CFAP47: variants seen among roughly 807,000 people sequenced by gnomAD.
CFAP47 encodes cilia- and flagella-associated protein 47.
CFAP47 carries 29 observed loss-of-function variants against 148.1 expected under a neutral mutation model. That is an observed-to-expected ratio of 0.20 (90% CI 0.15 to 0.27). CFAP47 has a LOEUF of 0.27. CFAP47 is among the 10% of genes least tolerant of loss of function. The pLI is 1.00. For missense variants in CFAP47, 1,872 were observed against 1,697.5 expected (o/e 1.10, Z -1.81); for synonymous variants, 664 against 577.3 (o/e 1.15, Z -2.15).
At chrX:36,017,723 A>G (rs958543883) in intron 22 of CFAP47, among the ~76,000 whole-genome samples, 1 of 110,331 alleles carries the variant, frequency 9.1e-6, no homozygotes, top group African/African-American at 3.3e-5. Flanking sequence ...TGGTTTGTCT[A>G]TTTCATTGCG....
At chrX:35,931,624 T>A (rs939878095) in intron 2 of CFAP47, among the ~76,000 whole-genome samples, 1 of 111,853 alleles carries the variant, frequency 8.9e-6, no homozygotes, top group Non-Finnish European at 1.9e-5. Context: ...TGCATTCCTG[T>A]AGGTTAATTG....
In CFAP47 at chrX:35,962,956, T is replaced by C. The variant is rs1936352608; in HGVS notation, c.1411-3609T>C. ...GTGTGTGTGTGTGTGTGTGTGTGTG[T>C]GTGTGTGTGTGTGTGTATGTGTATG... On this transcript the variant is annotated intron_variant, in intron 8 of 63. Coordinates refer to ENST00000378653, the MANE Select transcript of CFAP47 (RefSeq NM_001304548.2). 1.8e-5 allele frequency among the ~76,000 whole-genome samples: 2 copies of C among 108,357 alleles called. 1 individual carries two copies. Among genetic ancestry groups the C allele is most frequent in the South Asian group, 7.9e-4 (2 of 2,533 alleles). The allele number at this position is 108,357 out of a possible 115,157, so 94.1% of individuals were successfully genotyped here.
rs377677003 is a variant in CFAP47, at chrX:36,136,034, T to C, written c.5321-1924T>C. Among the ~76,000 whole-genome samples the C allele has an allele frequency of 1.9e-4, 21 of 111,122 alleles. 1 individual carries two copies. Among genetic ancestry groups the C allele is most frequent in the East Asian group, 1.4e-3 (5 of 3,515 alleles). ...TGACAGGGGTATGGCTTTGCAATTC[T>C]GAAAGCACTTTATATACATACTAGG... On this transcript the variant is annotated intron_variant, in intron 33 of 63. Coordinates refer to ENST00000378653, the MANE Select transcript of CFAP47 (RefSeq NM_001304548.2).
intron 35 of CFAP47, 48 bp from the exon 36 acceptor site, chrX:36,145,171 C>A (rs67753480): frequency 0.055 from 16,166 of 293,252 alleles, 1,313 homozygotes; most frequent in African/African-American, 0.3. Flanking sequence ...CTATGTAGAA[C>A]TCTAACTAAT....
intron 37 of CFAP47, among the ~76,000 whole-genome samples, chrX:36,149,922 T>C (rs73472839): frequency 0.044 from 4,851 of 110,155 alleles, 281 homozygotes; most frequent in African/African-American, 0.15. Flanking sequence ...ATATATTTTA[T>C]ATATAGTTTT....
At chrX:36,067,386 T>C (rs1034253586) in intron 27 of CFAP47, among the ~76,000 whole-genome samples, 1 of 111,784 alleles carries the variant, frequency 8.9e-6, no homozygotes, top group Non-Finnish European at 1.9e-5. Flanking sequence ...TTTGTACCTA[T>C]AGTCCATACA....
intron 33 of CFAP47, among the ~76,000 whole-genome samples, chrX:36,123,813 G>A (rs6632496): frequency 0.27 from 30,028 of 110,477 alleles, 5,564 homozygotes; most frequent in African/African-American, 0.66. Flanking sequence ...GTGCAAGACA[G>A]AGGTCTCTTT....
intron 57 of CFAP47, among the ~76,000 whole-genome samples, chrX:36,341,546 T>C (rs1184203003): frequency 9.0e-6 from 1 of 111,491 alleles, no homozygotes; most frequent in East Asian, 2.8e-4. Context: ...GAAAATTTTC[T>C]TGAAAGACAG....
intron 37 of CFAP47, among the ~76,000 whole-genome samples, chrX:36,157,846 T>C (rs1939387320): frequency 1.8e-5 from 2 of 111,949 alleles, no homozygotes; most frequent in Admixed American, 1.9e-4. Flanking sequence ...CTCACTGTTA[T>C]CTTAATAAAT....
At chrX:35,942,902 A>G (rs1465587705) in intron 3 of CFAP47, among the ~76,000 whole-genome samples, 1 of 112,132 alleles carries the variant, frequency 8.9e-6, no homozygotes, top group African/African-American at 3.2e-5. Flanking sequence ...TTATTTGTAT[A>G]TAGTATTTGT....
At chrX:36,128,277 AT>A (rs892993630) in intron 33 of CFAP47, among the ~76,000 whole-genome samples, 70 of 110,923 alleles carry the variant, frequency 6.3e-4, no homozygotes, top group Non-Finnish European at 1.3e-4. Flanking sequence ...GGGGGTTATT[AT>A]TTTTCTCTGA....
intron 62 of CFAP47, among the ~76,000 whole-genome samples, chrX:36,375,604 T>G (rs1942015601): frequency 8.9e-6 from 1 of 112,590 alleles, no homozygotes; most frequent in Admixed American, 9.4e-5. Flanking sequence ...ATCTATCCAT[T>G]GTTGAAAGTG....
intron 40 of CFAP47, among the ~76,000 whole-genome samples, chrX:36,185,939 G>A (rs923809524): frequency 2.7e-5 from 3 of 111,503 alleles, no homozygotes; most frequent in Admixed American, 1.9e-4. Context: ...TTCCAAATAC[G>A]GTCACATTGG....
intron 25 of CFAP47, among the ~76,000 whole-genome samples, chrX:36,041,694 C>T (rs780411893): frequency 3.1e-4 from 34 of 110,442 alleles, no homozygotes; most frequent in African/African-American, 8.9e-4. Flanking sequence ...GAGGCCGAGG[C>T]GGGCGGATCA....
rs1260264485 is a variant in CFAP47 at position 36,319,196 on chromosome X, A to AT, written c.8345-7dup. Reference sequence around the variant, plus strand: ...TGACATTGAAGTGTAATATCTCTTTATTTTTTAATTAGGTGTGGAACATCC... The same window carrying AT: ...TGACATTGAAGTGTAATATCTCTTTATTTTTTTAATTAGGTGTGGAACATCC... On this transcript the variant is annotated splice_polypyrimidine_tract_variant and intron_variant, in intron 56 of 63. Transcript: ENST00000378653. The AT allele has an allele frequency of 4.1e-6, 4 of 973,269 alleles. No individual in the cohort carries two copies. Among genetic ancestry groups the AT allele is most frequent in the Non-Finnish European group, 5.6e-6 (4 of 715,673 alleles). 80.2% of individuals were successfully genotyped at this position (973,269 alleles called of 1,213,427 possible).
intron 33 of CFAP47, among the ~76,000 whole-genome samples, chrX:36,112,229 G>T: frequency 9.0e-6 from 1 of 111,719 alleles, no homozygotes; most frequent in African/African-American, 3.2e-5. Context: ...AACTTTTCAT[G>T]TGGGCATTTA....
At chrX:36,044,194 G>A (rs1328268878) in intron 25 of CFAP47, among the ~76,000 whole-genome samples, 2 of 113,239 alleles carry the variant, frequency 1.8e-5, no homozygotes, top group African/African-American at 6.4e-5. Flanking sequence ...CTAGGCCTCT[G>A]GCCCTGTGAT....
At chrX:36,313,398 T>C (rs782348363) in intron 56 of CFAP47, among the ~76,000 whole-genome samples, 1 of 110,288 alleles carries the variant, frequency 9.1e-6, no homozygotes, top group East Asian at 2.9e-4. Flanking sequence ...TCAGATCTCA[T>C]GAAAATTCAC....
chrX:36,383,327 C>T (rs948587956), intron 63 of CFAP47, among the ~76,000 whole-genome samples: 1 of 111,713 alleles, frequency 9.0e-6, no homozygotes, highest in Admixed American at 9.5e-5. Context: ...GGATATAGAT[C>T]CCTTCATATA....
Sources: gnomAD v4.1 joint callset for allele counts (sites outside exome capture counted in the v4.1 genomes callset) on GRCh38, gnomAD v4.1.1 for gene constraint, MANE v1.5 for transcripts, NCBI Gene and HGNC (gene_info 2026-07-23, HGNC 2026-07-21) for gene names.